The following GPC5 variants were observed in gnomAD, a reference collection of about 807,000 sequenced individuals.
GPC5 encodes glypican-5.
In GPC5, 47 loss-of-function variants were observed where a neutral mutation model predicts 53.9. The ratio of observed to expected loss-of-function variants is 0.87; its 90% CI spans 0.69 to 1.11. The LOEUF (loss-of-function observed/expected upper bound fraction) is 1.11. Among genes scored for constraint, GPC5 ranks in the 50% most tolerant of loss-of-function variants. GPC5 has a pLI of 0.00. For missense variants in GPC5, 748 were observed against 713.1 expected (o/e 1.05, Z -0.56); for synonymous variants, 286 against 263.3 (o/e 1.09, Z -0.84).
chr13:92,085,184 G>C (rs2041326417), intron 6 of GPC5, among the ~76,000 whole-genome samples: 1 of 152,126 alleles, frequency 6.6e-6, no homozygotes, highest in Non-Finnish European at 1.5e-5. Context: ...TTAGACCATA[G>C]CACGAGTCGA....
At chr13:92,244,982 G>A (rs1250671517) in intron 7 of GPC5, among the ~76,000 whole-genome samples, 1 of 150,378 alleles carries the variant, frequency 6.6e-6, no homozygotes, top group South Asian at 2.1e-4. Flanking sequence ...AGGTTGCAGT[G>A]TGCCAAGATT....
chr13:92,420,574 C>G (rs1876512986), intron 7 of GPC5, among the ~76,000 whole-genome samples: 1 of 152,116 alleles, frequency 6.6e-6, no homozygotes, highest in Non-Finnish European at 1.5e-5. Flanking sequence ...CTATCAAATA[C>G]TAGATCTTAT....
intron 2 of GPC5, among the ~76,000 whole-genome samples, chr13:91,556,539 A>ATAT (rs2030960823): frequency 6.9e-6 from 1 of 144,166 alleles, no homozygotes; most frequent in African/African-American, 2.7e-5. Flanking sequence ...TATATATATA[A>ATAT]AATGTGTGTG....
intron 6 of GPC5, among the ~76,000 whole-genome samples, chr13:92,052,974 T>C (rs9560909): frequency 0.56 from 84,765 of 152,046 alleles, 23,961 homozygotes; most frequent in East Asian, 0.79. Flanking sequence ...AAAGCAGGTC[T>C]GGAAGAGGAA....
chr13:92,649,384 G>C (rs1188221692), intron 7 of GPC5, among the ~76,000 whole-genome samples: 1 of 151,924 alleles, frequency 6.6e-6, no homozygotes, highest in Non-Finnish European at 1.5e-5. Context: ...ACATTGCTTT[G>C]TTTATTTAAC....
intron 7 of GPC5, among the ~76,000 whole-genome samples, chr13:92,734,524 T>C (rs1334414879): frequency 1.3e-5 from 2 of 151,872 alleles, no homozygotes; most frequent in African/African-American, 4.8e-5. Context: ...AAAATAACAA[T>C]TATGAATTAA....
chr13:92,348,264 G>C (rs976501861), intron 7 of GPC5, among the ~76,000 whole-genome samples: 1 of 151,514 alleles, frequency 6.6e-6, no homozygotes, highest in African/African-American at 2.4e-5. Context: ...TGAAAATAAA[G>C]GGATGGAAAA....
intron 6 of GPC5, among the ~76,000 whole-genome samples, chr13:92,049,333 A>G (rs1305250397): frequency 1.3e-5 from 2 of 152,124 alleles, no homozygotes; most frequent in Non-Finnish European, 2.9e-5. Context: ...ATCTGACCTT[A>G]TATAGTTTTT....
rs188374650 is a variant in GPC5 at position 92,017,821 on chromosome 13, C to T, written c.1401+109764C>T. Among the ~76,000 whole-genome samples, 536 of 151,448 alleles carry T rather than the reference C, an allele frequency of 3.5e-3. 6 individuals carry two copies. The highest frequency in any genetic ancestry group is 0.012 in the African/African-American group (514 of 41,270). ...GTACACACACGCATGAGTACACACA[C>T]GCATGAGCACACACATACACACTTC... On this transcript the variant is annotated intron_variant, in intron 6 of 7. Coordinates refer to ENST00000377067, the MANE Select transcript of GPC5 (RefSeq NM_004466.6).
intron 6 of GPC5, chr13:91,995,944 A>G (rs1219783364): frequency 6.6e-6 from 1 of 152,186 alleles, no homozygotes; most frequent in Non-Finnish European, 1.5e-5. Flanking sequence ...GGGCTCTACC[A>G]CCTGCTAGAG....
At chr13:91,561,958 A>ACCATTACAGAGGTTTCAAAATTG in intron 2 of GPC5, among the ~76,000 whole-genome samples, 1 of 152,256 alleles carries the variant, frequency 6.6e-6, no homozygotes, top group Admixed American at 6.5e-5. Flanking sequence ...TCTACTTTGT[A>ACCATTACAGAGGTTTCAAAATTG]CCATTACAGA....
intron 6 of GPC5, among the ~76,000 whole-genome samples, chr13:92,104,891 A>G (rs1338089755): frequency 2.0e-5 from 3 of 152,146 alleles, no homozygotes; most frequent in Non-Finnish European, 4.4e-5. Context: ...AGATCTTTGC[A>G]GTGATGTCAT....
chr13:92,401,051 A>T (rs1163982294), intron 7 of GPC5, among the ~76,000 whole-genome samples: 1 of 152,256 alleles, frequency 6.6e-6, no homozygotes, highest in East Asian at 1.9e-4. Flanking sequence ...TAAAATCATG[A>T]AATATTTCTG....
At chr13:91,892,146 ATGAC>A (rs1250468264) in intron 5 of GPC5, among the ~76,000 whole-genome samples, 1 of 152,026 alleles carries the variant, frequency 6.6e-6, no homozygotes, top group African/African-American at 2.4e-5. Context: ...AACAAAAAAT[ATGAC>A]TGGTGACATA....
intron 7 of GPC5, among the ~76,000 whole-genome samples, chr13:92,412,319 CAGTG>C (rs1876080730): frequency 1.3e-5 from 2 of 152,044 alleles, no homozygotes; most frequent in Admixed American, 6.6e-5. Flanking sequence ...CAGAATATAT[CAGTG>C]AGTAAAACAG....
At chr13:91,669,556 A>C (rs943773927) in intron 2 of GPC5, among the ~76,000 whole-genome samples, 28 of 151,804 alleles carry the variant, frequency 1.8e-4, no homozygotes, top group African/African-American at 6.8e-4. Flanking sequence ...AACTACAGGA[A>C]GAGCTAGGGA....
At chr13:92,428,123 G>A (rs8000039) in intron 7 of GPC5, among the ~76,000 whole-genome samples, 49,239 of 151,846 alleles carry the variant, frequency 0.32, 8,508 homozygotes, top group Non-Finnish European at 0.38. Context: ...TAAATACATA[G>A]AAATGATTCC....
At chr13:92,523,658 A>C (rs1881155326) in intron 7 of GPC5, among the ~76,000 whole-genome samples, 1 of 152,210 alleles carries the variant, frequency 6.6e-6, no homozygotes, top group South Asian at 2.1e-4. Flanking sequence ...AAAACATTTA[A>C]ATTAGTTAAA....
intron 7 of GPC5, among the ~76,000 whole-genome samples, chr13:92,638,538 AG>A (rs1885485776): frequency 6.7e-6 from 1 of 149,182 alleles, no homozygotes; most frequent in Admixed American, 6.7e-5. Context: ...CCCCATCCCA[AG>A]TCAGCTTCCT....
Sources: gnomAD v4.1 joint callset for allele counts (sites outside exome capture counted in the v4.1 genomes callset) on GRCh38, gnomAD v4.1.1 for gene constraint, MANE v1.5 for transcripts, NCBI Gene and HGNC (gene_info 2026-07-23, HGNC 2026-07-21) for gene names.